Variants in EPHA4 observed in about 807,000 individuals in gnomAD.
EPHA4 encodes the protein EPH receptor A4.
Under a neutral mutation model 108.3 loss-of-function variants are expected in EPHA4, and 19 were observed. The ratio of observed to expected loss-of-function variants is 0.18; its 90% confidence interval spans 0.12 to 0.26. The LOEUF is 0.26. EPHA4 is among the 10% of genes least tolerant of loss of function. The pLI, the probability that EPHA4 is intolerant of heterozygous loss-of-function variation, is 1.00. For synonymous variants in EPHA4, 449 were observed against 455.5 expected, an observed-to-expected ratio of 0.99 and a Z score of 0.18; for missense variants, 917 against 1,254.0, an observed-to-expected ratio of 0.73 and a Z score of 4.06.
At chr2:221,438,200 A>T (rs960044360) in intron 11 of EPHA4, among the ~76,000 whole-genome samples, 3 of 152,080 alleles carry the variant, frequency 2.0e-5, no homozygotes, top group Non-Finnish European at 2.9e-5. Flanking sequence ...TTCTGCAAAG[A>T]AATAAAAATG....
At chr2:221,553,642 A>G (rs554197967) in intron 3 of EPHA4, among the ~76,000 whole-genome samples, 5 of 152,336 alleles carry the variant, frequency 3.3e-5, no homozygotes, top group African/African-American at 1.2e-4. Flanking sequence ...CATTGGGGCA[A>G]ACTGCTATTC....
intron 8 of EPHA4, among the ~76,000 whole-genome samples, chr2:221,450,730 G>A (rs1007531359): frequency 4.0e-5 from 6 of 151,880 alleles, no homozygotes; most frequent in Non-Finnish European, 7.4e-5. Flanking sequence ...AGGTAAAAGG[G>A]GTACTTTATA....
At chr2:221,531,566 A>G (rs1248617062) in intron 3 of EPHA4, among the ~76,000 whole-genome samples, 6 of 152,202 alleles carry the variant, frequency 3.9e-5, no homozygotes, top group Non-Finnish European at 7.4e-5. Flanking sequence ...GCTACTTCCT[A>G]TATAAATAAG....
At position 221,540,171 on chromosome 2, in the gene EPHA4, C is replaced by T. The variant is rs370977409; in HGVS notation, c.823+23560G>A. Among the ~76,000 whole-genome samples the T allele has an allele frequency of 1.2e-4, 18 of 152,288 alleles. No homozygotes were observed. In the East Asian group the frequency reaches 2.1e-3, roughly 18 times the overall value. On this transcript the variant is annotated intron_variant, in intron 3 of 17. Transcript: ENST00000281821. Reference sequence around the variant, plus strand: ...CTGACCTCAAGTGATCTGCCCGCCTCGTCCTCCCAAAATGCTGAGATTACA... The same window carrying T: ...CTGACCTCAAGTGATCTGCCCGCCTTGTCCTCCCAAAATGCTGAGATTACA...
At chr2:221,502,314 TA>T (rs1267115177) in intron 3 of EPHA4, among the ~76,000 whole-genome samples, 1 of 151,440 alleles carries the variant, frequency 6.6e-6, no homozygotes, top group Non-Finnish European at 1.5e-5. Context: ...CCATTAAGAG[TA>T]AAGTTATTTC....
chr2:221,437,801 T>TA (rs1690292217), intron 11 of EPHA4, among the ~76,000 whole-genome samples: 1 of 151,026 alleles, frequency 6.6e-6, no homozygotes, highest in Admixed American at 6.6e-5. Flanking sequence ...CAGGCGCCTG[T>TA]AATCCCAGCT....
chr2:221,429,069 C>G (rs1237564815), intron 15 of EPHA4, among the ~76,000 whole-genome samples: 1 of 152,156 alleles, frequency 6.6e-6, no homozygotes, highest in Non-Finnish European at 1.5e-5. Context: ...AAACAGAAGC[C>G]TGTGAGAAGC....
intron 11 of EPHA4, among the ~76,000 whole-genome samples, chr2:221,441,386 C>T (rs529834150): frequency 2.0e-5 from 3 of 151,894 alleles, no homozygotes; most frequent in Admixed American, 1.3e-4. Context: ...CACTGGAAAC[C>T]GTGGGCATTA....
At chr2:221,436,739 C>A (rs548593964) in intron 12 of EPHA4, 131 bp from the exon 13 acceptor site, 2 of 972,836 alleles carry the variant, frequency 2.1e-6, no homozygotes, top group Non-Finnish European at 3.1e-6. Context: ...TATTTCCAGG[C>A]CTTTCTGACC....
Position 221,564,335 on chromosome 2 carries a change from G to A in EPHA4, c.219C>T (p.Cys73=), listed in dbSNP as rs1156432581. 6.2e-7 allele frequency: 1 copy of A among 1,613,936 alleles called. No individual in the cohort carries two copies. Among genetic ancestry groups the A allele is most frequent in the Non-Finnish European group, 8.5e-7 (1 of 1,180,020 alleles). Residue 73 remains cysteine (C), a synonymous_variant, in exon 3 of 18, where the codon TGC becomes TGT. Transcript: ENST00000281821. ...KNTPIRTYQV[C]NVMEPSQNNW... ...TATTCTGGCTGGGTTCCATCACATT[G>A]CACACTTGGTAGGTTCGGATTGGTG...
At chr2:221,484,901 G>A (rs1247234440) in intron 4 of EPHA4, among the ~76,000 whole-genome samples, 1 of 152,192 alleles carries the variant, frequency 6.6e-6, no homozygotes, top group Non-Finnish European at 1.5e-5. Context: ...CAGCCAGTTT[G>A]AGAAGGCAAA....
At chr2:221,443,386 T>A in intron 10 of EPHA4, 107 bp downstream of exon 10, 1 of 771,158 alleles carries the variant, frequency 1.3e-6, no homozygotes, top group Non-Finnish European at 2.1e-6. Flanking sequence ...ATTTCATGTA[T>A]ATACACACAT....
chr2:221,500,877 T>C, intron 4 of EPHA4, 140 bp downstream of exon 4: 1 of 1,015,028 alleles, frequency 9.9e-7, no homozygotes, highest in South Asian at 1.9e-5. Context: ...GCATTTCCCC[T>C]GCTATGATTG....
chr2:221,473,004 C>G (rs1229871750), intron 5 of EPHA4, among the ~76,000 whole-genome samples: 1 of 152,188 alleles, frequency 6.6e-6, no homozygotes, highest in Non-Finnish European at 1.5e-5. Flanking sequence ...CAGATTCCCA[C>G]AGTGCTCTGG....
chr2:221,529,629 CAT>C (rs1384558541), intron 3 of EPHA4, among the ~76,000 whole-genome samples: 3 of 152,182 alleles, frequency 2.0e-5, no homozygotes, highest in Non-Finnish European at 2.9e-5. Context: ...GTCATTATCA[CAT>C]GTTATCTTTA....
chr2:221,485,896 C>G (rs560983130), intron 4 of EPHA4, among the ~76,000 whole-genome samples: 1 of 152,228 alleles, frequency 6.6e-6, no homozygotes, highest in African/African-American at 2.4e-5. Flanking sequence ...CAATTACCTA[C>G]AGAGATGGCT....
intron 3 of EPHA4, among the ~76,000 whole-genome samples, chr2:221,508,085 A>C (rs531605085): frequency 2.0e-5 from 3 of 152,180 alleles, no homozygotes; most frequent in Non-Finnish European, 4.4e-5. Flanking sequence ...TGGTCCAGGG[A>C]CATGTTTTGA....
Position 221,442,997 on chromosome 2 carries a change from A to C in EPHA4, c.1906T>G (p.Cys636Gly). The C allele has an allele frequency of 6.2e-7, 1 of 1,613,938 alleles. No individual in the cohort carries two copies. The highest frequency in any genetic ancestry group is 8.5e-7 in the Non-Finnish European group (1 of 1,179,960). ...VIGVGEFGEV[C>G]SGRLKVPGKR... ...CCAGGCACTTTGAGACGCCCACTGC[A>C]TACCTCACCAAATTCACCTTTGAGA... The change falls in exon 11 of 18, where the codon TGC becomes GGC. Residue 636 changes from cysteine (C) to glycine (G), a missense_variant. Physicochemically the swap from Cys to Gly is radical, Grantham distance 159. Around this residue, in one of 3 missense-constraint regions of EPHA4, gnomAD observed 758 missense variants for 1,076.7 expected, o/e 0.70. Coordinates refer to ENST00000281821, the MANE Select transcript of EPHA4 (RefSeq NM_004438.5).
intron 3 of EPHA4, among the ~76,000 whole-genome samples, chr2:221,562,575 A>T (rs1439465304): frequency 6.6e-6 from 1 of 152,236 alleles, no homozygotes; most frequent in Non-Finnish European, 1.5e-5. Context: ...AATGCCATCT[A>T]CAGCTCAACA....
Sources: allele counts gnomAD v4.1 joint callset (sites outside exome capture counted in the v4.1 genomes callset), GRCh38; gene constraint gnomAD v4.1.1; regional missense constraint gnomAD v4.1.1; transcripts MANE v1.5; gene names NCBI Gene and HGNC (gene_info 2026-07-23, HGNC 2026-07-21).